Variants in EXT1 observed in about 807,000 individuals in gnomAD.
The protein encoded by EXT1 is exostosin glycosyltransferase 1.
In EXT1, 20 loss-of-function variants were observed where a neutral mutation model predicts 82.5. The ratio of observed to expected loss-of-function variants is 0.24; its 90% CI spans 0.17 to 0.35. EXT1 has a LOEUF of 0.35. Ranked by LOEUF, EXT1 falls within the 10% of genes least tolerant of loss-of-function variation. The pLI, the probability that EXT1 is intolerant of heterozygous loss-of-function variation, is 1.00. For missense variants in EXT1, 757 were observed against 936.5 expected, an observed-to-expected ratio of 0.81 and a Z score of 2.50; for synonymous variants, 348 against 350.8, an observed-to-expected ratio of 0.99 and a Z score of 0.09.
At chr8:117,990,226 TAGAG>T (rs1164200871) in intron 1 of EXT1, among the ~76,000 whole-genome samples, 1 of 152,164 alleles carries the variant, frequency 6.6e-6, no homozygotes, top group Non-Finnish European at 1.5e-5. Context: ...TCTCTTCCTA[TAGAG>T]AAAGTTATCT....
rs1816064282 is a variant in EXT1 at position 118,019,539 on chromosome 8, G to A, written c.962+90546C>T. ...AATGGTGGGTCCAGATTCTATCGCAGAAAAGAGTCATTTCCTGTGACTATT... is the reference window on the plus strand; with the variant it reads ...AATGGTGGGTCCAGATTCTATCGCAAAAAAGAGTCATTTCCTGTGACTATT... On this transcript the variant is annotated intron_variant, in intron 1 of 10. Transcript: ENST00000378204. Among the ~76,000 whole-genome samples the A allele has an allele frequency of 3.3e-5, 5 of 152,216 alleles. No homozygotes were observed. The South Asian group carries it at 8.3e-4, about 25-fold the overall frequency.
intron 1 of EXT1, among the ~76,000 whole-genome samples, chr8:118,031,353 C>T (rs983146084): frequency 1.3e-5 from 2 of 151,920 alleles, no homozygotes; most frequent in African/African-American, 2.4e-5. Context: ...AGCGAAACCC[C>T]GTCTCTACTA....
intron 1 of EXT1, among the ~76,000 whole-genome samples, chr8:117,865,079 A>T (rs1199636890): frequency 1.3e-5 from 2 of 152,206 alleles, no homozygotes; most frequent in African/African-American, 2.4e-5. Context: ...GACTGACTCC[A>T]TACAAACACT....
intron 1 of EXT1, among the ~76,000 whole-genome samples, chr8:117,980,632 C>CA (rs1216898719): frequency 1.3e-5 from 2 of 151,232 alleles, no homozygotes; most frequent in Non-Finnish European, 2.9e-5. Context: ...GGTTCTGACC[C>CA]AGTGGTCTGT....
intron 1 of EXT1, among the ~76,000 whole-genome samples, chr8:118,050,972 G>T (rs1816707644): frequency 1.3e-5 from 2 of 152,126 alleles, no homozygotes; most frequent in Non-Finnish European, 2.9e-5. Context: ...ACACCTCACA[G>T]AAAGAATGGG....
At chr8:117,944,919 T>C (rs541000844) in intron 1 of EXT1, among the ~76,000 whole-genome samples, 2 of 152,226 alleles carry the variant, frequency 1.3e-5, no homozygotes, top group East Asian at 3.9e-4. Context: ...TCCCAGCACT[T>C]TGGGAGGCGG....
chr8:117,947,720 A>T (rs1483152396), intron 1 of EXT1, among the ~76,000 whole-genome samples: 1 of 152,236 alleles, frequency 6.6e-6, no homozygotes, highest in Non-Finnish European at 1.5e-5. Flanking sequence ...ATAGAAAGGA[A>T]GTGATAGCCT....
chr8:117,896,369 C>T (rs1813335646), intron 1 of EXT1, among the ~76,000 whole-genome samples: 1 of 152,220 alleles, frequency 6.6e-6, no homozygotes, highest in South Asian at 2.1e-4. Context: ...ATACAACTCT[C>T]TCTTTCAGAT....
chr8:117,823,414 T>A, intron 4 of EXT1, among the ~76,000 whole-genome samples: 1 of 151,926 alleles, frequency 6.6e-6, no homozygotes, highest in East Asian at 1.9e-4. Flanking sequence ...ACTTTCAAAC[T>A]CTTACAATTA....
At chr8:117,962,856 T>G (rs1007897151) in intron 1 of EXT1, among the ~76,000 whole-genome samples, 5 of 148,022 alleles carry the variant, frequency 3.4e-5, no homozygotes, top group Non-Finnish European at 5.9e-5. Context: ...AGCCCAGGAG[T>G]TCAAGGCTGC....
Position 117,799,475 on chromosome 8 carries a change from A to G in EXT1, c.*237T>C, listed in dbSNP as rs1047334250. Reference sequence around the variant, plus strand: ...ATTTAATGTTCCATAATTAAACTGTACACAACCTAGTCTTGGGACACAGAA... The same window carrying G: ...ATTTAATGTTCCATAATTAAACTGTGCACAACCTAGTCTTGGGACACAGAA... On this transcript the variant is annotated 3_prime_UTR_variant, in exon 11 of 11. Transcript: ENST00000378204. 82 of 572,396 alleles carry G rather than the reference A, an allele frequency of 1.4e-4. No individual in the cohort carries two copies. The highest frequency in any genetic ancestry group is 9.4e-4 in the Middle Eastern group (2 of 2,132). 35.5% of individuals were successfully genotyped at this position (572,396 alleles called of 1,614,324 possible). A position where few individuals can be genotyped will look rare whatever the true frequency, so the allele number is the denominator to read the frequency against.
At chr8:117,833,815 T>C (rs141299848) in intron 3 of EXT1, among the ~76,000 whole-genome samples, 2 of 152,282 alleles carry the variant, frequency 1.3e-5, no homozygotes, top group African/African-American at 4.8e-5. Context: ...AAATAACATT[T>C]GAAAAAGGAA....
At chr8:117,957,753 G>T (rs1354670872) in intron 1 of EXT1, among the ~76,000 whole-genome samples, 1 of 152,144 alleles carries the variant, frequency 6.6e-6, no homozygotes, top group East Asian at 1.9e-4. Flanking sequence ...TTTAATGGAG[G>T]GTTTGGGCTG....
Position 118,107,133 on chromosome 8 carries a change from T to A in EXT1, c.962+2952A>T, listed in dbSNP as rs373793649. 5.3e-5 allele frequency among the ~76,000 whole-genome samples: 8 copies of A among 152,354 alleles called. No individual in the cohort carries two copies. The East Asian group carries it at 1.2e-3, about 22-fold the overall frequency. On this transcript the variant is annotated intron_variant, in intron 1 of 10. Transcript: ENST00000378204. ...TTCTATTTCACCAAAAGCAACCTTT[T>A]TTTAGTTGAAACATTTGTATATACT...
rs1187095953 is a variant in EXT1, at chr8:118,030,122, T to TA, written c.962+79962_962+79963insT. On this transcript the variant is annotated intron_variant, in intron 1 of 10. Transcript: ENST00000378204. ...AGATTTAAAACCGTGCTTTTCTCTC[T>TA]GAGGCTCTACAAACATCTCCCTCTT... is the stretch of plus-strand genomic sequence containing the variant. 3.0e-4 allele frequency among the ~76,000 whole-genome samples: 46 copies of TA among 152,152 alleles called. 1 individual carries two copies. The highest frequency in any genetic ancestry group is 3.0e-3 in the Admixed American group (46 of 15,274).
At chr8:117,804,921 G>A in intron 9 of EXT1, 28 bp from the exon 10 acceptor site, 1 of 1,612,348 alleles carries the variant, frequency 6.2e-7, no homozygotes, top group Non-Finnish European at 8.5e-7. Flanking sequence ...GGGTTTCACA[G>A]GGGGCCATTA....
intron 1 of EXT1, among the ~76,000 whole-genome samples, chr8:117,847,867 C>T (rs1382849469): frequency 1.3e-5 from 2 of 150,672 alleles, no homozygotes; most frequent in Non-Finnish European, 3.0e-5. Context: ...CTGGCCCCTG[C>T]ACTTAAGTGG....
At chr8:118,076,169 C>A (rs1392380732) in intron 1 of EXT1, among the ~76,000 whole-genome samples, 1 of 152,112 alleles carries the variant, frequency 6.6e-6, no homozygotes. Flanking sequence ...TATATGATCT[C>A]AAAGGCCACA....
intron 1 of EXT1, among the ~76,000 whole-genome samples, chr8:117,857,132 A>C (rs1812578401): frequency 6.6e-6 from 1 of 152,182 alleles, no homozygotes; most frequent in Admixed American, 6.5e-5. Context: ...TAGAAAGAAA[A>C]ATTTCTTTTA....
Sources: allele counts gnomAD v4.1 joint callset (sites outside exome capture counted in the v4.1 genomes callset), GRCh38; gene constraint gnomAD v4.1.1; transcripts MANE v1.5; gene names NCBI Gene and HGNC (gene_info 2026-07-23, HGNC 2026-07-21).